SAMD12: variants seen among roughly 807,000 people sequenced by gnomAD.
The protein encoded by SAMD12 is sterile alpha motif domain containing 12.
In SAMD12, 9 loss-of-function variants were observed where a neutral mutation model predicts 15.0. The ratio of observed to expected loss-of-function variants is 0.60; its 90% confidence interval spans 0.36 to 1.05. The LOEUF (loss-of-function observed/expected upper bound fraction) is 1.05. Among genes scored for constraint, SAMD12 ranks in the 50% least tolerant of loss-of-function variants. SAMD12 has a pLI of 0.01. For synonymous variants in SAMD12, 86 were observed against 90.1 expected, an observed-to-expected ratio of 0.96 and a Z score of 0.25; for missense variants, 230 against 234.2, an observed-to-expected ratio of 0.98 and a Z score of 0.12.
At chr8:118,140,464 A>G in the SAMD12 span, among the ~76,000 whole-genome samples, 2 of 151,866 alleles carry the variant, frequency 1.3e-5, no homozygotes, top group Non-Finnish European at 2.9e-5. Context: ...TAGAGATAGG[A>G]TCTTGCTATG....
At chr8:118,407,278 C>G (rs572643788) in intron 3 of SAMD12, among the ~76,000 whole-genome samples, 2 of 152,132 alleles carry the variant, frequency 1.3e-5, no homozygotes, top group Non-Finnish European at 2.9e-5. Context: ...ATTTTACAAT[C>G]TCAACAGTAG....
At chr8:118,142,945 A>G in the SAMD12 span, among the ~76,000 whole-genome samples, 50 of 152,354 alleles carry the variant, frequency 3.3e-4, no homozygotes, top group African/African-American at 1.2e-3. Context: ...AATAATAGTG[A>G]ATAAACCACA....
intron 4 of SAMD12, among the ~76,000 whole-genome samples, chr8:118,246,306 T>C (rs1307963114): frequency 1.3e-5 from 2 of 152,146 alleles, no homozygotes; most frequent in Non-Finnish European, 1.5e-5. Context: ...GGTTTAGGAA[T>C]GGGCACCAGT....
chr8:118,306,361 G>A (rs1169123342), intron 4 of SAMD12, among the ~76,000 whole-genome samples: 1 of 152,134 alleles, frequency 6.6e-6, no homozygotes, highest in Non-Finnish European at 1.5e-5. Context: ...AGCCTCTTTT[G>A]TAGTTTAGCA....
chr8:118,343,633 A>G (rs1000847849), intron 4 of SAMD12, among the ~76,000 whole-genome samples: 3 of 152,176 alleles, frequency 2.0e-5, no homozygotes, highest in Admixed American at 2.0e-4. Context: ...TTTTGTGCCA[A>G]GCACTTTGCT....
chr8:118,620,561 G>C (rs1828371032), intron 1 of SAMD12, among the ~76,000 whole-genome samples: 1 of 152,262 alleles, frequency 6.6e-6, no homozygotes, highest in South Asian at 2.1e-4. Context: ...CTCTGAACCT[G>C]AGATAGCCCA....
At chr8:118,140,591 G>A in the SAMD12 span, among the ~76,000 whole-genome samples, 1 of 152,090 alleles carries the variant, frequency 6.6e-6, no homozygotes, top group Non-Finnish European at 1.5e-5. Flanking sequence ...CTTATGTATT[G>A]TTATATTTCC....
At chr8:118,232,114 G>T (rs1436685173) in intron 4 of SAMD12, among the ~76,000 whole-genome samples, 1 of 152,092 alleles carries the variant, frequency 6.6e-6, no homozygotes, top group African/African-American at 2.4e-5. Flanking sequence ...TGGTCCCTCT[G>T]TTATAGCATT....
chr8:118,546,717 T>C (rs901436993), intron 2 of SAMD12, among the ~76,000 whole-genome samples: 2 of 152,114 alleles, frequency 1.3e-5, no homozygotes, highest in Non-Finnish European at 2.9e-5. Context: ...ACTTGTTACA[T>C]TTGGGAATAG....
intron 2 of SAMD12, among the ~76,000 whole-genome samples, chr8:118,475,803 C>T (rs112046453): frequency 0.02 from 3,111 of 152,256 alleles, 69 homozygotes; most frequent in African/African-American, 0.055. Context: ...GATCCATTAG[C>T]GTCACCATGT....
chr8:118,510,721 C>G (rs1167860125), intron 2 of SAMD12, among the ~76,000 whole-genome samples: 3 of 152,132 alleles, frequency 2.0e-5, no homozygotes, highest in Non-Finnish European at 2.9e-5. Context: ...ACTAGGAACC[C>G]AATGCCCAGT....
intron 3 of SAMD12, among the ~76,000 whole-genome samples, chr8:118,420,406 G>A (rs1306943283): frequency 6.6e-6 from 1 of 152,206 alleles, no homozygotes; most frequent in African/African-American, 2.4e-5. Flanking sequence ...AGAAGCACAT[G>A]GGACCAGATG....
At chr8:118,230,363 C>T (rs1352722451) in intron 4 of SAMD12, among the ~76,000 whole-genome samples, 1 of 152,160 alleles carries the variant, frequency 6.6e-6, no homozygotes, top group African/African-American at 2.4e-5. Flanking sequence ...ATATTGGACT[C>T]ATGGTTTTCT....
At chr8:118,135,179 T>C in the SAMD12 span, among the ~76,000 whole-genome samples, 1 of 152,138 alleles carries the variant, frequency 6.6e-6, no homozygotes, top group Non-Finnish European at 1.5e-5. Context: ...TCAGGTAGTG[T>C]TTCTTTTTTG....
At chr8:118,617,435 A>G (rs898850695) in intron 1 of SAMD12, among the ~76,000 whole-genome samples, 2 of 152,256 alleles carry the variant, frequency 1.3e-5, no homozygotes, top group Admixed American at 6.5e-5. Context: ...TTATCAGAAG[A>G]TATTTGGTAA....
At chr8:118,456,780 T>C (rs185559124) in intron 2 of SAMD12, among the ~76,000 whole-genome samples, 4 of 152,384 alleles carry the variant, frequency 2.6e-5, no homozygotes, top group African/African-American at 9.6e-5. Context: ...ATATGGAGTT[T>C]AGTGTGAATA....
At chr8:118,144,532 A>G in the SAMD12 span, among the ~76,000 whole-genome samples, 2 of 152,236 alleles carry the variant, frequency 1.3e-5, no homozygotes, top group African/African-American at 4.8e-5. Context: ...TTCTTATTAC[A>G]TATTAATTTA....
chr8:118,546,979 T>C (rs1826147409), intron 2 of SAMD12, among the ~76,000 whole-genome samples: 1 of 152,206 alleles, frequency 6.6e-6, no homozygotes, highest in African/African-American at 2.4e-5. Flanking sequence ...CTTTTCTTTC[T>C]TAAAAGAAGG....
intron 4 of SAMD12, among the ~76,000 whole-genome samples, chr8:118,203,404 G>GT (rs1460468111): frequency 6.6e-6 from 1 of 151,864 alleles, no homozygotes; most frequent in Non-Finnish European, 1.5e-5. Context: ...GTGTGTGTGT[G>GT]TGTCGAGGGA....
Sources: allele counts gnomAD v4.1 joint callset (sites outside exome capture counted in the v4.1 genomes callset), GRCh38; gene constraint gnomAD v4.1.1; transcripts MANE v1.5; gene names NCBI Gene and HGNC (gene_info 2026-07-23, HGNC 2026-07-21).